Variants in MPP7 observed in about 807,000 individuals in gnomAD.
The protein encoded by MPP7 is MAGUK p55 scaffold protein 7.
Under a neutral mutation model 76.5 loss-of-function variants are expected in MPP7, and 60 were observed. That is an observed-to-expected ratio of 0.78 (90% confidence interval 0.64 to 0.97). MPP7 has a LOEUF of 0.97. Among genes scored for constraint, MPP7 ranks in the 50% least tolerant of loss-of-function variants. MPP7 has a pLI of 0.00. For missense variants in MPP7, 641 were observed against 694.0 expected (o/e 0.92, Z 0.86); for synonymous variants, 237 against 244.5 (o/e 0.97, Z 0.29).
chr10:28,330,805 C>A (rs1043099724), intron 1 of MPP7, among the ~76,000 whole-genome samples: 4 of 152,136 alleles, frequency 2.6e-5, no homozygotes, highest in Admixed American at 6.6e-5. Context: ...CAAGTGCACA[C>A]CACTATGCCT....
chr10:28,192,244 T>G (rs1209451402), intron 3 of MPP7, among the ~76,000 whole-genome samples: 1 of 152,198 alleles, frequency 6.6e-6, no homozygotes, highest in Non-Finnish European at 1.5e-5. Flanking sequence ...GATGTCTGTT[T>G]TCACCACAGC....
In MPP7 at chr10:28,215,174, C is replaced by T. The variant is rs116060394; in HGVS notation, c.38-12903G>A. ...TAAATTATCTTTAAAAACTCTGCTC[C>T]CCAGTGCTCAGGAGATTGATTTGAA... On this transcript the variant is annotated intron_variant, in intron 2 of 16. Coordinates refer to ENST00000683449, the MANE Select transcript of MPP7 (RefSeq NM_001318170.2). 4.4e-3 allele frequency among the ~76,000 whole-genome samples: 675 copies of T among 152,192 alleles called. 9 individuals are homozygous for T. The highest frequency in any genetic ancestry group is 0.015 in the African/African-American group (635 of 41,500).
intron 2 of MPP7, among the ~76,000 whole-genome samples, chr10:28,215,758 T>C (rs1317549613): frequency 6.6e-6 from 1 of 152,202 alleles, no homozygotes; most frequent in Middle Eastern, 3.2e-3. Flanking sequence ...GGTATAGTCA[T>C]GCTAACCTTA....
chr10:28,230,493 A>C (rs1013432430), intron 2 of MPP7, among the ~76,000 whole-genome samples: 1 of 152,154 alleles, frequency 6.6e-6, no homozygotes, highest in African/African-American at 2.4e-5. Flanking sequence ...AAAAGGCTTA[A>C]TATACCAACA....
At chr10:28,133,532 T>C (rs1192972936) in intron 5 of MPP7, among the ~76,000 whole-genome samples, 1 of 152,242 alleles carries the variant, frequency 6.6e-6, no homozygotes, top group African/African-American at 2.4e-5. Flanking sequence ...GTTTATATGG[T>C]TTATATTTGC....
intron 3 of MPP7, among the ~76,000 whole-genome samples, chr10:28,195,491 T>C (rs966920633): frequency 6.6e-6 from 1 of 152,208 alleles, no homozygotes. Context: ...ACAACCCAAA[T>C]GTCCATCCAT....
rs980944157 is a variant in MPP7 at position 28,184,973 on chromosome 10, ATTAT to A, written c.156+17176_156+17179del. ...TAATATAATATATTTATCTTAATATATTATTTATTAATTGATATATTAATATGTA... is the reference window on the plus strand; with the variant it reads ...TAATATAATATATTTATCTTAATATATTATTAATTGATATATTAATATGTA... On this transcript the variant is annotated intron_variant, in intron 3 of 16. Coordinates refer to ENST00000683449, the MANE Select transcript of MPP7 (RefSeq NM_001318170.2). Among the ~76,000 whole-genome samples, 15 of 145,410 alleles carry A rather than the reference ATTAT, an allele frequency of 1.0e-4. 1 individual carries two copies. Among genetic ancestry groups the A allele is most frequent in the Admixed American group, 9.6e-4 (14 of 14,616 alleles).
chr10:28,299,617 C>A (rs1047829877), intron 1 of MPP7, among the ~76,000 whole-genome samples: 92 of 152,210 alleles, frequency 6.0e-4, no homozygotes, highest in African/African-American at 2.2e-3. Context: ...TAGCACCAAT[C>A]GACTTGCAGG....
rs61213930 is a variant in MPP7, at chr10:28,058,956, C to T, written c.1299-353G>A. On this transcript the variant is annotated intron_variant, in intron 14 of 16. Transcript: ENST00000683449. ...ACTACTGGAATTTCATTGCACGCTACGGAGTAACCCAGCCCAGCTTCAGAA... is the reference window on the plus strand; with the variant it reads ...ACTACTGGAATTTCATTGCACGCTATGGAGTAACCCAGCCCAGCTTCAGAA... 3.2e-3 allele frequency among the ~76,000 whole-genome samples: 493 copies of T among 152,242 alleles called. 1 individual carries two copies. The highest frequency in any genetic ancestry group is 0.011 in the African/African-American group (445 of 41,536).
At chr10:28,071,061 C>A (rs777801747) in intron 12 of MPP7, among the ~76,000 whole-genome samples, 2 of 152,110 alleles carry the variant, frequency 1.3e-5, no homozygotes, top group Non-Finnish European at 2.9e-5. Flanking sequence ...AAGCCAGGGG[C>A]GTAATTAGAT....
At chr10:28,089,464 G>A (rs992492536) in intron 12 of MPP7, among the ~76,000 whole-genome samples, 5 of 152,100 alleles carry the variant, frequency 3.3e-5, no homozygotes, top group Non-Finnish European at 7.4e-5. Context: ...CCACTAAAAC[G>A]ACAGTACCGT....
chr10:28,246,853 A>G (rs1839451653), intron 1 of MPP7, among the ~76,000 whole-genome samples: 1 of 152,144 alleles, frequency 6.6e-6, no homozygotes, highest in Non-Finnish European at 1.5e-5. Flanking sequence ...GTACGGACAC[A>G]GAATTGAATC....
At chr10:28,234,980 T>C (rs1839023191) in intron 2 of MPP7, among the ~76,000 whole-genome samples, 1 of 152,168 alleles carries the variant, frequency 6.6e-6, no homozygotes, top group African/African-American at 2.4e-5. Context: ...CCCTAATTTT[T>C]TGTATTTTTA....
chr10:28,304,653 T>C (rs1841238219), upstream of MPP7, among the ~76,000 whole-genome samples: 1 of 152,176 alleles, frequency 6.6e-6, no homozygotes, highest in South Asian at 2.1e-4. Flanking sequence ...TTTGAGCAAA[T>C]AGTTTTGAGA....
intron 3 of MPP7, among the ~76,000 whole-genome samples, chr10:28,163,091 C>CT (rs1385336320): frequency 1.3e-5 from 2 of 152,118 alleles, no homozygotes; most frequent in African/African-American, 2.4e-5. Flanking sequence ...AGAAAGACGT[C>CT]TTGAGGGTAG....
At chr10:28,078,078 T>C (rs1852582438) in intron 12 of MPP7, among the ~76,000 whole-genome samples, 1 of 152,194 alleles carries the variant, frequency 6.6e-6, no homozygotes, top group African/African-American at 2.4e-5. Context: ...AAAGCCTGTC[T>C]GTCTAACTCA....
chr10:28,268,139 T>G (rs1564745644), intron 1 of MPP7, among the ~76,000 whole-genome samples: 1 of 152,056 alleles, frequency 6.6e-6, no homozygotes, highest in Admixed American at 6.5e-5. Flanking sequence ...ATACTCTATA[T>G]TGGGTAGAAG....
intron 1 of MPP7, among the ~76,000 whole-genome samples, chr10:28,270,538 G>GT (rs1840291208): frequency 7.8e-6 from 1 of 128,914 alleles, no homozygotes; most frequent in Non-Finnish European, 1.6e-5. Context: ...AAAAAGGGGG[G>GT]GGGGGAGGAG....
At chr10:28,224,998 A>T (rs929759120) in intron 2 of MPP7, among the ~76,000 whole-genome samples, 1 of 152,176 alleles carries the variant, frequency 6.6e-6, no homozygotes, top group Non-Finnish European at 1.5e-5. Flanking sequence ...GTAACTTTTA[A>T]ATAAAGAATA....
Sources: allele counts gnomAD v4.1 joint callset (sites outside exome capture counted in the v4.1 genomes callset), GRCh38; gene constraint gnomAD v4.1.1; transcripts MANE v1.5; gene names NCBI Gene and HGNC (gene_info 2026-07-23, HGNC 2026-07-21).